The following PKD1L1 variants were observed in gnomAD, a reference collection of about 807,000 sequenced individuals.
The protein encoded by PKD1L1 is polycystin 1 like 1, transient receptor potential channel interacting, also known as polycystin-1-like protein 1.
In PKD1L1, 236 loss-of-function variants were observed where a neutral mutation model predicts 323.4. The ratio of observed to expected loss-of-function variants is 0.73; its 90% CI spans 0.66 to 0.81. The LOEUF (loss-of-function observed/expected upper bound fraction) is 0.81. Ranked by LOEUF, PKD1L1 falls within the 40% of genes least tolerant of loss-of-function variation. PKD1L1 has a pLI of 0.00. For synonymous variants in PKD1L1, 1,344 were observed against 1,335.0 expected, an observed-to-expected ratio of 1.01 and a Z score of -0.15; for missense variants, 3,320 against 3,508.0, an observed-to-expected ratio of 0.95 and a Z score of 1.35.
chr7:47,848,072 C>A (rs1211145107), intron 31 of PKD1L1, among the ~76,000 whole-genome samples: 2 of 152,098 alleles, frequency 1.3e-5, no homozygotes, highest in African/African-American at 4.8e-5. Context: ...ATAAGACTGG[C>A]AAAACTCAAT....
chr7:47,837,814 A>C (rs1475020085), intron 36 of PKD1L1, among the ~76,000 whole-genome samples: 1 of 152,186 alleles, frequency 6.6e-6, no homozygotes, highest in East Asian at 1.9e-4. Context: ...TTCTAGAAAA[A>C]ACAAAAGTAT....
At chr7:47,882,902 G>A (rs188540882) in intron 19 of PKD1L1, among the ~76,000 whole-genome samples, 23 of 152,280 alleles carry the variant, frequency 1.5e-4, no homozygotes, top group Admixed American at 8.5e-4. Context: ...GAGAAGCAGC[G>A]AGGGCAAAGG....
intron 45 of PKD1L1, among the ~76,000 whole-genome samples, chr7:47,821,799 T>C (rs1362890631): frequency 6.6e-6 from 1 of 152,128 alleles, no homozygotes; most frequent in East Asian, 1.9e-4. Context: ...GCGATTCTCC[T>C]GCCTCAGCCT....
At chr7:47,818,372 G>A (rs1222482435) in intron 46 of PKD1L1, among the ~76,000 whole-genome samples, 5 of 152,168 alleles carry the variant, frequency 3.3e-5, no homozygotes, top group African/African-American at 9.7e-5. Context: ...ATGATTTGAC[G>A]ACAAACATTG....
Position 47,855,600 on chromosome 7 carries a change from G to T in PKD1L1, c.4591-335C>A, listed in dbSNP as rs529812122. On this transcript the variant is annotated intron_variant, in intron 28 of 56. Transcript: ENST00000289672. ...AAAAGTATATGCAAGAGTGGGGCCG[G>T]GCGCGGTGGCTCACGCCTGTAATCC... Among the ~76,000 whole-genome samples, 16 of 96,958 alleles carry T rather than the reference G, an allele frequency of 1.7e-4. 3 individuals are homozygous for T. The highest frequency in any genetic ancestry group is 3.5e-4 in the Admixed American group (4 of 11,384). The allele number at this position is 96,958 out of a possible 152,430, so 63.6% of individuals were successfully genotyped here.
At chr7:47,813,611 A>G (rs765557751) in intron 48 of PKD1L1, 13 of 663,740 alleles carry the variant, frequency 2.0e-5, no homozygotes, top group South Asian at 1.4e-4. Flanking sequence ...CATTAGAAAA[A>G]GATATGTGAA....
intron 45 of PKD1L1, among the ~76,000 whole-genome samples, chr7:47,826,144 G>A (rs963337290): frequency 2.6e-5 from 4 of 152,076 alleles, no homozygotes; most frequent in Admixed American, 1.3e-4. Flanking sequence ...ACAGGAGCTT[G>A]GAGTTCTATT....
chr7:47,882,052 C>T lies in PKD1L1; in HGVS notation c.3299G>A (p.Ser1100Asn), dbSNP rs1413454923. The change falls in exon 20 of 57, where the codon AGC becomes AAC. Residue 1100 changes from serine to asparagine, a missense_variant. Transcript: ENST00000289672. Reference protein sequence around the residue: ...KDTSFPGSGPSLSAEESPGDG... With the variant: ...KDTSFPGSGPNLSAEESPGDG... The stretch of plus-strand genomic sequence containing the variant: ...TCCAGGGCTCTCCTCGGCACTCAAG[C>T]TAGGTCCTGATCCTGGAAAGCTGGT... 2 of 1,613,676 alleles carry T rather than the reference C, an allele frequency of 1.2e-6. No individual in the cohort carries two copies. Among genetic ancestry groups the T allele is most frequent in the Admixed American group, 3.3e-5 (2 of 59,826 alleles).
intron 13 of PKD1L1, among the ~76,000 whole-genome samples, chr7:47,899,812 C>T (rs1287975575): frequency 6.6e-6 from 1 of 151,974 alleles, no homozygotes; most frequent in Non-Finnish European, 1.5e-5. Context: ...AAAAATTAGC[C>T]AGGTGTGGTG....
intron 42 of PKD1L1, among the ~76,000 whole-genome samples, chr7:47,830,403 G>C (rs1365134132): frequency 3.3e-5 from 5 of 152,252 alleles, no homozygotes; most frequent in Non-Finnish European, 5.9e-5. Flanking sequence ...GAGAGGGGAA[G>C]GGGGAGGAAA....
chr7:47,786,974 G>A (rs1424676195), intron 56 of PKD1L1, among the ~76,000 whole-genome samples: 1 of 152,172 alleles, frequency 6.6e-6, no homozygotes. Flanking sequence ...AAAATACAAA[G>A]AACAATATGA....
At chr7:47,855,397 G>T in intron 28 of PKD1L1, 132 bp from the exon 29 acceptor site, 1 of 576,968 alleles carries the variant, frequency 1.7e-6, no homozygotes, top group Non-Finnish European at 2.9e-6. Context: ...TTAGAAGCTA[G>T]CATACAAAAA....
At chr7:47,879,351 G>C (rs777898036) in intron 21 of PKD1L1, among the ~76,000 whole-genome samples, 4 of 152,174 alleles carry the variant, frequency 2.6e-5, no homozygotes, top group Non-Finnish European at 5.9e-5. Context: ...TTGTTGGCTG[G>C]GTGCGGTGGC....
chr7:47,937,363 C>T (rs760780230), intron 3 of PKD1L1, among the ~76,000 whole-genome samples: 137 of 151,918 alleles, frequency 9.0e-4, no homozygotes, highest in Non-Finnish European at 1.6e-3. Flanking sequence ...AGAGCTATGC[C>T]GAAGGTGGAG....
chr7:47,873,981 T>G lies in PKD1L1; in HGVS notation c.3814A>C (p.Lys1272Gln), dbSNP rs1470859. 1 of 1,610,046 alleles carries G rather than the reference T, an allele frequency of 6.2e-7. No individual in the cohort carries two copies. The highest frequency in any genetic ancestry group is 8.5e-7 in the Non-Finnish European group (1 of 1,176,926). ...GTGCACGGCTGGACCTTGGAGCCTT[T>G]GCCATCTGTGATTTCAGTGGAAACC... ...VMVSTEITDGKGSKVQPCTVV... is the reference protein window; with the variant it reads ...VMVSTEITDGQGSKVQPCTVV... The change falls in exon 24 of 57, where the codon AAA (lysine) becomes CAA (glutamine). Residue 1272 changes from lysine to glutamine, a missense_variant. Transcript: ENST00000289672.
intron 54 of PKD1L1, among the ~76,000 whole-genome samples, chr7:47,798,652 G>A (rs1405804338): frequency 1.3e-5 from 2 of 151,806 alleles, no homozygotes; most frequent in African/African-American, 4.8e-5. Context: ...CTACTCAGGA[G>A]ACTGAGGCAG....
chr7:47,902,064 A>G (rs548000375), intron 13 of PKD1L1, among the ~76,000 whole-genome samples: 2 of 151,004 alleles, frequency 1.3e-5, no homozygotes, highest in East Asian at 3.9e-4. Flanking sequence ...GAAAAAAAAG[A>G]AAAGAAAAGA....
Position 47,858,772 on chromosome 7 carries a change from A to C in PKD1L1, c.4263T>G (p.Gly1421=). ...AGACTTCCCAGACTCTGGATATGAG[A>C]CCGATGAGCTCAAGCCTCACTCCTT... ...IDKGVRLELI[G]LISRVWEVSE... The change falls in exon 27 of 57, where the codon GGT becomes GGG. Residue 1421 remains glycine, a synonymous_variant. Coordinates refer to ENST00000289672, the MANE Select transcript of PKD1L1 (RefSeq NM_138295.5). The C allele has an allele frequency of 6.2e-7, 1 of 1,614,162 alleles. No individual in the cohort carries two copies. The highest frequency in any genetic ancestry group is 8.5e-7 in the Non-Finnish European group (1 of 1,180,014).
At position 47,835,026 on chromosome 7, in the gene PKD1L1, G is replaced by T; in HGVS notation, c.6068C>A (p.Ser2023Tyr). 1 of 1,613,934 alleles carries T rather than the reference G, an allele frequency of 6.2e-7. No homozygotes were observed. The highest frequency in any genetic ancestry group is 8.5e-7 in the Non-Finnish European group (1 of 1,179,894). ...TGGGCTGTGTGGCTCCACTCGGGCAGACCCCGGGGCTTCCTGCAGAAGGAA... is the reference window on the plus strand; with the variant it reads ...TGGGCTGTGTGGCTCCACTCGGGCATACCCCGGGGCTTCCTGCAGAAGGAA... Reference protein sequence around the residue: ...LFRLSKEAPGSARVEPHSPLR... With the variant: ...LFRLSKEAPGYARVEPHSPLR... Residue 2023 changes from serine to tyrosine, a missense_variant, in exon 39 of 57, where the codon TCT (serine) becomes TAT (tyrosine). By Grantham distance (144) the Ser-to-Tyr change is moderately radical (BLOSUM62 -2). Transcript: ENST00000289672.
Sources: gnomAD v4.1 joint callset for allele counts (sites outside exome capture counted in the v4.1 genomes callset) on GRCh38, gnomAD v4.1.1 for gene constraint, MANE v1.5 for transcripts, NCBI Gene and HGNC (gene_info 2026-07-23, HGNC 2026-07-21) for gene names.